ADAM12: variants seen among roughly 807,000 people sequenced by gnomAD.
ADAM12 encodes the protein disintegrin and metalloproteinase domain-containing protein 12.
A neutral mutation model predicts 106.4 loss-of-function variants in ADAM12; 70 were observed. The observed-to-expected ratio is 0.66, with a 90% CI of 0.54 to 0.80. The LOEUF (loss-of-function observed/expected upper bound fraction) is 0.80, where lower values mean the gene tolerates loss of function less well. ADAM12 is among the 30% of genes least tolerant of loss of function. The pLI is 0.00. For synonymous variants in ADAM12, 420 were observed against 433.5 expected (o/e 0.97, Z 0.39); for missense variants, 1,010 against 1,171.9 (o/e 0.86, Z 2.02).
intron 3 of ADAM12, among the ~76,000 whole-genome samples, chr10:126,185,214 T>C (rs952906878): frequency 1.3e-5 from 2 of 152,234 alleles, no homozygotes; most frequent in Non-Finnish European, 2.9e-5. Context: ...TTGAGGTCCA[T>C]GAAGAAAGAA....
At chr10:126,125,370 G>A (rs2133645781) in intron 5 of ADAM12, among the ~76,000 whole-genome samples, 1 of 150,650 alleles carries the variant, frequency 6.6e-6, no homozygotes. Context: ...TCAGCCTCCT[G>A]AGTAGCTGGG....
intron 11 of ADAM12, among the ~76,000 whole-genome samples, chr10:126,090,449 C>G (rs1049299291): frequency 2.9e-4 from 44 of 152,122 alleles, no homozygotes; most frequent in African/African-American, 1.0e-3. Flanking sequence ...TCACAATTTT[C>G]TTACTCCTAT....
At chr10:126,091,830 A>G (rs1047285331) in intron 11 of ADAM12, among the ~76,000 whole-genome samples, 1 of 152,184 alleles carries the variant, frequency 6.6e-6, no homozygotes, top group African/African-American at 2.4e-5. Context: ...TAGAGTCTTC[A>G]TCATCTGTGC....
chr10:126,289,717 T>G (rs1484182828), intron 2 of ADAM12, among the ~76,000 whole-genome samples: 1 of 152,200 alleles, frequency 6.6e-6, no homozygotes, highest in Non-Finnish European at 1.5e-5. Flanking sequence ...ATTTTGGAAA[T>G]GTAGCATTTT....
At chr10:126,226,672 T>C (rs1414633905) in intron 3 of ADAM12, among the ~76,000 whole-genome samples, 1 of 152,212 alleles carries the variant, frequency 6.6e-6, no homozygotes, top group African/African-American at 2.4e-5. Flanking sequence ...AAAATGCATG[T>C]AGAGAGCTTG....
chr10:126,328,816 C>T (rs568921986), intron 2 of ADAM12, among the ~76,000 whole-genome samples: 1 of 152,300 alleles, frequency 6.6e-6, no homozygotes, highest in South Asian at 2.1e-4. Context: ...GGGACAGCTA[C>T]CTAATAATCA....
Position 126,115,972 on chromosome 10 carries a change from A to G in ADAM12, c.603+2066T>C, listed in dbSNP as rs546466808. Among the ~76,000 whole-genome samples the G allele has an allele frequency of 2.0e-5, 3 of 152,340 alleles. No individual in the cohort carries two copies. The South Asian group carries it at 6.2e-4, about 32-fold the overall frequency. Reference sequence around the variant, plus strand: ...CATAAAAACCATCACAGTGCTTTCTAGAGAGAAATATTGAGAACTGAGTTG... The same window carrying G: ...CATAAAAACCATCACAGTGCTTTCTGGAGAGAAATATTGAGAACTGAGTTG... On this transcript the variant is annotated intron_variant, in intron 6 of 22. Coordinates refer to ENST00000448723, the MANE Select transcript of ADAM12 (RefSeq NM_001288973.2).
rs996677118 is a variant in ADAM12, at chr10:126,049,631, T to A, written c.1648A>T (p.Asn550Tyr). 3.1e-6 allele frequency: 5 copies of A among 1,614,016 alleles called. No homozygotes were observed. Among genetic ancestry groups the A allele is most frequent in the Non-Finnish European group, 3.4e-6 (4 of 1,180,020 alleles). The part of the protein sequence containing the change: ...PAPGICFERV[N>Y]SAGDPYGNCG... ...TTGCCATAAGGATCACCTGCAGAAT[T>A]GACTCTCTCAAAGCAGATCCCAGGG... Residue 550 changes from asparagine to tyrosine, a missense_variant, in exon 15 of 23, where the codon AAT becomes TAT. Transcript: ENST00000448723. This position sits in a 1 kb window ranked among gnomAD's most constrained non-coding sequence, Gnocchi z 4.4.
chr10:126,101,067 C>T lies in ADAM12; in HGVS notation c.911+5G>A, dbSNP rs771514994. 1 of 1,613,588 alleles carries T rather than the reference C, an allele frequency of 6.2e-7. No homozygotes were observed. The highest frequency in any genetic ancestry group is 8.5e-7 in the Non-Finnish European group (1 of 1,179,772). ...TTTTTAAGCAGACAAGACGTAACTC[C>T]CTACCTGACAAGCTGCGCATTGTCA... On this transcript the variant is annotated splice_donor_5th_base_variant and intron_variant, in intron 9 of 22. Transcript: ENST00000448723.
chr10:126,035,804 T>C (rs530254242), intron 21 of ADAM12, among the ~76,000 whole-genome samples: 5 of 152,330 alleles, frequency 3.3e-5, no homozygotes, highest in African/African-American at 1.2e-4. Context: ...TGACCATCTG[T>C]CTTAGATTGC....
Position 126,227,383 on chromosome 10 carries a change from T to C in ADAM12, c.260+51532A>G, listed in dbSNP as rs117522481. On this transcript the variant is annotated intron_variant, in intron 3 of 22. Coordinates refer to ENST00000448723, the MANE Select transcript of ADAM12 (RefSeq NM_001288973.2). The stretch of plus-strand genomic sequence containing the variant: ...ATCATCTTCACTATTGCCACCATCA[T>C]CATTTTCTCTTCATCATCAACTTCA... Among the ~76,000 whole-genome samples, 1,258 of 152,310 alleles carry C rather than the reference T, an allele frequency of 8.3e-3. 39 individuals carry two copies. Among genetic ancestry groups the C allele is most frequent in the East Asian group, 0.072 (374 of 5,186 alleles).
At chr10:126,093,915 C>G (rs1955509689) in intron 11 of ADAM12, 70 bp downstream of exon 11, 9 of 1,579,566 alleles carry the variant, frequency 5.7e-6, no homozygotes, top group Non-Finnish European at 7.8e-6. Context: ...GACACTTTGA[C>G]TCATCTGGTT....
At chr10:126,075,880 C>T (rs1217520299) in intron 11 of ADAM12, among the ~76,000 whole-genome samples, 1 of 152,180 alleles carries the variant, frequency 6.6e-6, no homozygotes, top group Non-Finnish European at 1.5e-5. Context: ...GGAGCTGTGC[C>T]TCTGTATGGG....
chr10:126,135,142 T>A (rs1358494728), intron 5 of ADAM12, among the ~76,000 whole-genome samples: 2 of 152,204 alleles, frequency 1.3e-5, no homozygotes, highest in Non-Finnish European at 2.9e-5. Flanking sequence ...CTCACCTTGG[T>A]TGTTGCTAAA....
chr10:126,334,138 T>C (rs897677624), intron 1 of ADAM12, among the ~76,000 whole-genome samples: 2 of 152,204 alleles, frequency 1.3e-5, no homozygotes, highest in African/African-American at 4.8e-5. Context: ...GAATAAATTA[T>C]ACACAGCTGT....
rs1404641053 is a variant in ADAM12 at position 126,328,116 on chromosome 10, G to GT, written c.186+2295dup. Among the ~76,000 whole-genome samples, 9 of 152,242 alleles carry GT rather than the reference G, an allele frequency of 5.9e-5. No individual in the cohort carries two copies. The East Asian group carries it at 1.3e-3, about 23-fold the overall frequency. Reference sequence around the variant, plus strand: ...CTGCTGGCCCCTAGAATACTTTGTTGTTTTTTTCTTAACACTTATCACAAT... The same window carrying GT: ...CTGCTGGCCCCTAGAATACTTTGTTGTTTTTTTTCTTAACACTTATCACAAT... On this transcript the variant is annotated intron_variant, in intron 2 of 22. Transcript: ENST00000448723.
rs559551861 is a variant in ADAM12, at chr10:126,246,879, C to T, written c.260+32036G>A. On this transcript the variant is annotated intron_variant, in intron 3 of 22. Transcript: ENST00000448723. ...TCAGCATAGTATTGGAAGTTCTGGG[C>T]AGGGCAATCAGGCAAGAGAAAGTAT... Among the ~76,000 whole-genome samples, 3 of 152,286 alleles carry T rather than the reference C, an allele frequency of 2.0e-5. No individual in the cohort carries two copies. In the East Asian group the frequency reaches 5.8e-4, roughly 29 times the overall value.
intron 3 of ADAM12, among the ~76,000 whole-genome samples, chr10:126,156,378 G>A (rs764411738): frequency 1.3e-5 from 2 of 152,210 alleles, no homozygotes; most frequent in Non-Finnish European, 2.9e-5. Flanking sequence ...GGCGTACAGC[G>A]ATTAAATGAC....
At chr10:126,387,960 T>C (rs887155181) in intron 1 of ADAM12, 98 bp downstream of exon 1, 2 of 1,158,854 alleles carry the variant, frequency 1.7e-6, no homozygotes, top group African/African-American at 3.3e-5. Context: ...CCGGGGCGCG[T>C]CGCCCCTCGG....
Sources: gnomAD v4.1 joint callset for allele counts (sites outside exome capture counted in the v4.1 genomes callset) on GRCh38, gnomAD v4.1.1 for gene constraint, Gnocchi (gnomAD v3.1) non-coding constraint, MANE v1.5 for transcripts, NCBI Gene and HGNC (gene_info 2026-07-23, HGNC 2026-07-21) for gene names.